Variants in SNX7 observed in about 807,000 individuals in gnomAD.
SNX7 encodes sorting nexin 7, also known as sorting nexin-7.
SNX7 carries 35 observed loss-of-function variants against 48.4 expected under a neutral mutation model. The observed-to-expected ratio is 0.72, with a 90% confidence interval of 0.55 to 0.96. SNX7 has a LOEUF of 0.96. SNX7 is among the 40% of genes least tolerant of loss of function. The pLI, the probability that SNX7 is intolerant of heterozygous loss-of-function variation, is 0.00. For synonymous variants in SNX7, 190 were observed against 190.2 expected, an observed-to-expected ratio of 1.00 and a Z score of 0.01; for missense variants, 553 against 548.9, an observed-to-expected ratio of 1.01 and a Z score of -0.07.
chr1:98,725,949 G>A (rs1374173372), intron 7 of SNX7, among the ~76,000 whole-genome samples: 1 of 152,134 alleles, frequency 6.6e-6, no homozygotes, highest in Non-Finnish European at 1.5e-5. Context: ...GGCTATTGAG[G>A]AGCTTACTGA....
intron 8 of SNX7, among the ~76,000 whole-genome samples, chr1:98,738,994 A>C (rs1277701817): frequency 6.6e-6 from 1 of 152,148 alleles, no homozygotes; most frequent in African/African-American, 2.4e-5. Flanking sequence ...TTACATTAAC[A>C]AAATTATGTC....
chr1:98,738,165 C>T, intron 7 of SNX7, 72 bp from the exon 8 acceptor site: 1 of 1,521,142 alleles, frequency 6.6e-7, no homozygotes, highest in Non-Finnish European at 8.9e-7. Context: ...TTTTGTTCAA[C>T]TTAAATTTGA....
At chr1:98,717,553 A>G (rs1274168112) in intron 7 of SNX7, among the ~76,000 whole-genome samples, 2 of 152,134 alleles carry the variant, frequency 1.3e-5, no homozygotes, top group Non-Finnish European at 2.9e-5. Flanking sequence ...GAAAATACTT[A>G]CCAACATGCT....
intron 1 of SNX7, among the ~76,000 whole-genome samples, chr1:98,673,219 A>G (rs1176407976): frequency 6.6e-6 from 1 of 152,184 alleles, no homozygotes; most frequent in Non-Finnish European, 1.5e-5. Flanking sequence ...TTTGCTGGTC[A>G]TTCCTTCATC....
chr1:98,683,430 C>G (rs912924439), intron 1 of SNX7, among the ~76,000 whole-genome samples: 1 of 151,862 alleles, frequency 6.6e-6, no homozygotes, highest in Admixed American at 6.6e-5. Flanking sequence ...TTGTGTCCAC[C>G]CAGAATTCAT....
intron 7 of SNX7, among the ~76,000 whole-genome samples, chr1:98,737,390 T>C (rs1017431863): frequency 1.3e-5 from 2 of 152,180 alleles, no homozygotes; most frequent in African/African-American, 4.8e-5. Context: ...TTGCTTGTAG[T>C]TTGTCTCTCC....
chr1:98,713,363 A>G (rs530802296), intron 7 of SNX7, among the ~76,000 whole-genome samples: 1 of 152,162 alleles, frequency 6.6e-6, no homozygotes, highest in East Asian at 1.9e-4. Context: ...ATTGCTCTGG[A>G]TTAGGCTTTG....
chr1:98,661,357 C>CG (rs1649197660), upstream of SNX7, among the ~76,000 whole-genome samples: 1 of 151,680 alleles, frequency 6.6e-6, no homozygotes, highest in Admixed American at 6.6e-5. Context: ...GCGAAGTGGA[C>CG]GGTTCGCTTC....
At chr1:98,669,082 C>T (rs1649698397) in intron 1 of SNX7, among the ~76,000 whole-genome samples, 1 of 152,152 alleles carries the variant, frequency 6.6e-6, no homozygotes, top group Non-Finnish European at 1.5e-5. Context: ...TATGTTCTGC[C>T]ATTCTCCAAT....
chr1:98,714,557 G>C (rs1652488250), intron 7 of SNX7, among the ~76,000 whole-genome samples: 1 of 152,196 alleles, frequency 6.6e-6, no homozygotes, highest in Non-Finnish European at 1.5e-5. Flanking sequence ...AAGAATACCA[G>C]GAGGGGAAGT....
In SNX7 at chr1:98,738,271, T is replaced by C. The variant is rs1653894460; in HGVS notation, c.1160T>C (p.Val387Ala). 1 of 1,613,126 alleles carries C rather than the reference T, an allele frequency of 6.2e-7. No homozygotes were observed. The highest frequency in any genetic ancestry group is 8.5e-7 in the Non-Finnish European group (1 of 1,179,646). ...PEEIGKLEDK[V>A]ECANNALKAD... is the part of the protein sequence containing the mutation. ...GAGATTGGAAAACTTGAAGATAAAG[T>C]GGAATGTGCTAATAATGCCCTGAAA... is the stretch of plus-strand genomic sequence containing the variant. Residue 387 changes from valine (V) to alanine (A), a missense_variant, in exon 8 of 9, where the codon GTG becomes GCG. By Grantham distance (64) the Val-to-Ala change is moderately conservative. Transcript: ENST00000306121.
chr1:98,732,121 C>A (rs1475639690), intron 7 of SNX7, among the ~76,000 whole-genome samples: 2 of 152,108 alleles, frequency 1.3e-5, no homozygotes, highest in Admixed American at 1.3e-4. Context: ...AATTTGGAGA[C>A]CGTCTGCTGT....
intron 1 of SNX7, chr1:98,662,193 G>C: frequency 3.3e-6 from 1 of 302,222 alleles, no homozygotes; most frequent in Non-Finnish European, 6.0e-6. Context: ...GTTGTGATTT[G>C]TTTTCCCTTT....
chr1:98,740,005 G>T (rs1183368527), intron 8 of SNX7, among the ~76,000 whole-genome samples: 1 of 152,180 alleles, frequency 6.6e-6, no homozygotes, highest in Non-Finnish European at 1.5e-5. Flanking sequence ...GGCAGGAAAG[G>T]CAGAGATGTG....
chr1:98,737,137 G>A (rs1290847873), intron 7 of SNX7, among the ~76,000 whole-genome samples: 4 of 151,200 alleles, frequency 2.6e-5, no homozygotes, highest in Non-Finnish European at 4.4e-5. Context: ...AAATCACCTA[G>A]GCATGCTTCT....
At chr1:98,755,114 A>T (rs1654777440) in intron 8 of SNX7, among the ~76,000 whole-genome samples, 1 of 152,140 alleles carries the variant, frequency 6.6e-6, no homozygotes, top group Non-Finnish European at 1.5e-5. Flanking sequence ...GATTTTAAAG[A>T]TATCTTTCTG....
At position 98,662,874 on chromosome 1, in the gene SNX7, A is replaced by G. The variant is rs1649324907; in HGVS notation, c.180+963A>G. On this transcript the variant is annotated intron_variant, in intron 1 of 8. Transcript: ENST00000306121. ...TACTCTGGGAGAGCAAACCAAAGTTAGGAAGTGACCATGCATACTCTGACT... is the reference window on the plus strand; with the variant it reads ...TACTCTGGGAGAGCAAACCAAAGTTGGGAAGTGACCATGCATACTCTGACT... The G allele has an allele frequency of 3.8e-5, 49 of 1,283,906 alleles. 3 individuals are homozygous for G. The South Asian group carries it at 6.1e-4, about 16-fold the overall frequency. 79.5% of individuals were successfully genotyped at this position (1,283,906 alleles called of 1,614,324 possible). A position where few individuals can be genotyped will look rare whatever the true frequency, so the allele number is the denominator to read the frequency against.
chr1:98,745,986 G>T (rs1449647311), intron 8 of SNX7, among the ~76,000 whole-genome samples: 1 of 151,768 alleles, frequency 6.6e-6, no homozygotes, highest in African/African-American at 2.4e-5. Flanking sequence ...CTTTTTTGTT[G>T]AGCAATCAGT....
chr1:98,686,838 A>G (rs557681625), intron 2 of SNX7, among the ~76,000 whole-genome samples: 1 of 152,252 alleles, frequency 6.6e-6, no homozygotes, highest in Admixed American at 6.5e-5. Context: ...CTACTGTTAT[A>G]ATTATCTATT....
Sources: allele counts gnomAD v4.1 joint callset (sites outside exome capture counted in the v4.1 genomes callset), GRCh38; gene constraint gnomAD v4.1.1; transcripts MANE v1.5; gene names NCBI Gene and HGNC (gene_info 2026-07-23, HGNC 2026-07-21).